Variants in ARAP1 observed in about 807,000 individuals in gnomAD.
The protein encoded by ARAP1 is ArfGAP with RhoGAP domain, ankyrin repeat and PH domain 1.
ARAP1 carries 76 observed loss-of-function variants against 172.2 expected under a neutral mutation model. That is an observed-to-expected ratio of 0.44 (90% confidence interval 0.37 to 0.53). The LOEUF (loss-of-function observed/expected upper bound fraction) is 0.53. ARAP1 is among the 20% of genes least tolerant of loss of function. The pLI, the probability that ARAP1 is intolerant of heterozygous loss-of-function variation, is 0.00. For synonymous variants in ARAP1, 804 were observed against 803.3 expected (o/e 1.00, Z -0.01); for missense variants, 1,686 against 1,977.5 (o/e 0.85, Z 2.80).
chr11:72,695,149 C>A lies in ARAP1; in HGVS notation c.3577-52G>T. ...CTGCCTGTGCCTAGCCCCTGCTCTG[C>A]CACAACCTTGCTATGTGACTCAGAG... On this transcript the variant is annotated intron_variant, in intron 26 of 34. Transcript: ENST00000393609. The surrounding 1 kb of genome is among the most constrained non-coding windows in gnomAD (Gnocchi z 4.4). 1 of 1,573,564 alleles carries A rather than the reference C, an allele frequency of 6.4e-7. No individual in the cohort carries two copies. Among genetic ancestry groups the A allele is most frequent in the Non-Finnish European group, 8.7e-7 (1 of 1,147,230 alleles).
At chr11:72,686,212 GGCTGGGCT>G in intron 33 of ARAP1, 21 bp from the exon 34 acceptor site, 3 of 1,603,482 alleles carry the variant, frequency 1.9e-6, no homozygotes, top group East Asian at 2.2e-5. Flanking sequence ...GAGAGGAAGG[GGCTGGGCT>G]CAGCTTCAGT....
intron 21 of ARAP1, 36 bp from the exon 22 acceptor site, chr11:72,697,231 G>T: frequency 6.3e-7 from 1 of 1,593,044 alleles, no homozygotes; most frequent in Non-Finnish European, 8.5e-7. Context: ...CGGGGCCTGA[G>T]GCATAGAGTC....
rs575742517 is a variant in ARAP1 at position 72,751,413 on chromosome 11, C to T, written c.-128+915G>A. Among the ~76,000 whole-genome samples, 3 of 152,254 alleles carry T rather than the reference C, an allele frequency of 2.0e-5. No individual in the cohort carries two copies. The South Asian group carries it at 6.2e-4, about 32-fold the overall frequency. On this transcript the variant is annotated intron_variant, in intron 1 of 34. Coordinates refer to ENST00000393609, the MANE Select transcript of ARAP1 (RefSeq NM_001040118.3). ...GTCATCCCCTCCCCTGGGGCCTGCACCTGTCCACACCTGTCTTCAAGGCTC... is the reference window on the plus strand; with the variant it reads ...GTCATCCCCTCCCCTGGGGCCTGCATCTGTCCACACCTGTCTTCAAGGCTC...
intron 5 of ARAP1, 144 bp from the exon 6 acceptor site, chr11:72,712,712 C>T (rs530613380): frequency 3.6e-6 from 5 of 1,374,098 alleles, no homozygotes; most frequent in Non-Finnish European, 5.1e-6. Flanking sequence ...CTCCCCTCCC[C>T]CTGCCAGCGG....
At chr11:72,739,803 C>G (rs570926022) in intron 1 of ARAP1, among the ~76,000 whole-genome samples, 1 of 152,272 alleles carries the variant, frequency 6.6e-6, no homozygotes, top group South Asian at 2.1e-4. Context: ...AGGCTTGTAG[C>G]CAGGCTCTGG....
intron 1 of ARAP1, among the ~76,000 whole-genome samples, chr11:72,749,716 T>C (rs1858478671): frequency 6.6e-6 from 1 of 152,008 alleles, no homozygotes; most frequent in Non-Finnish European, 1.5e-5. Context: ...ACCCCGTCTC[T>C]ACTAAAAATA....
chr11:72,693,235 A>C lies in ARAP1; in HGVS notation c.3954+90T>G. On this transcript the variant is annotated intron_variant, in intron 29 of 34. Transcript: ENST00000393609. This position sits in a 1 kb window ranked among gnomAD's most constrained non-coding sequence, Gnocchi z 4.6. ...GCCATCCTGAGAGCCTGTAACGGGAATATTTCCACTTGCAGACCAAGGGGA... is the reference window on the plus strand; with the variant it reads ...GCCATCCTGAGAGCCTGTAACGGGACTATTTCCACTTGCAGACCAAGGGGA... 3 of 1,526,428 alleles carry C rather than the reference A, an allele frequency of 2.0e-6. No individual in the cohort carries two copies. The highest frequency in any genetic ancestry group is 2.7e-6 in the Non-Finnish European group (3 of 1,124,850). 94.6% of individuals were successfully genotyped at this position (1,526,428 alleles called of 1,614,324 possible). A position where few individuals can be genotyped will look rare whatever the true frequency, so the allele number is the denominator to read the frequency against.
chr11:72,725,472 CGAGT>C lies in ARAP1; in HGVS notation c.509+1144_509+1147del, dbSNP rs1677622733. Among the ~76,000 whole-genome samples, 1 of 152,064 alleles carries C rather than the reference CGAGT, an allele frequency of 6.6e-6. No individual in the cohort carries two copies. The highest frequency in any genetic ancestry group is 6.5e-5 in the Admixed American group (1 of 15,278). ...TCCTGGAGAGACCCTATACCTGTTACGAGTTGTGTGAACCCAGGAAGAGCATGTA... is the reference window on the plus strand; with the variant it reads ...TCCTGGAGAGACCCTATACCTGTTACTGTGTGAACCCAGGAAGAGCATGTA... On this transcript the variant is annotated intron_variant, in intron 3 of 34. Coordinates refer to ENST00000393609, the MANE Select transcript of ARAP1 (RefSeq NM_001040118.3). The surrounding 1 kb of genome is among the most constrained non-coding windows in gnomAD (Gnocchi z 4.3).
At chr11:72,689,733 T>C (rs1307434106) in intron 30 of ARAP1, among the ~76,000 whole-genome samples, 1 of 152,160 alleles carries the variant, frequency 6.6e-6, no homozygotes, top group Non-Finnish European at 1.5e-5. Flanking sequence ...GCCTCATGTC[T>C]TCTACAGACA....
Position 72,711,029 on chromosome 11 carries a change from T to C in ARAP1, c.1205A>G (p.Glu402Gly). ...CACCCCACACTCCCCACCATCACTCTCTGCCCGGAAGGCAAAGGTTCGGTT... is the reference window on the plus strand; with the variant it reads ...CACCCCACACTCCCCACCATCACTCCCTGCCCGGAAGGCAAAGGTTCGGTT... ...TNNRTFAFRA[E>G]SDVERKEWMQ... is the part of the protein sequence containing the mutation. Residue 402 changes from glutamate (E) to glycine (G), a missense_variant, in exon 9 of 35, where the codon GAG becomes GGG. By Grantham distance (98) the Glu-to-Gly change is moderately conservative (BLOSUM62 -2). Around this residue, in one of 5 missense-constraint regions of ARAP1, gnomAD observed 688 missense variants for 856.9 expected, o/e 0.80. Coordinates refer to ENST00000393609, the MANE Select transcript of ARAP1 (RefSeq NM_001040118.3). 6.2e-7 allele frequency: 1 copy of C among 1,614,212 alleles called. No homozygotes were observed. Among genetic ancestry groups the C allele is most frequent in the Non-Finnish European group, 8.5e-7 (1 of 1,180,034 alleles).
At chr11:72,722,328 A>C (rs1378484065) in intron 3 of ARAP1, 7 of 985,396 alleles carry the variant, frequency 7.1e-6, no homozygotes, top group Non-Finnish European at 8.4e-6. Flanking sequence ...CAACACACAC[A>C]CTTCCTGAAA....
rs1253021445 is a variant in ARAP1, at chr11:72,686,114, T to A, written c.4263A>T (p.Ser1421=). The change falls in exon 34 of 35, where the codon TCA becomes TCT. Residue 1421 remains serine, a synonymous_variant. Transcript: ENST00000393609. The part of the protein sequence containing the change: ...AVPEVRLGSV[S]LIPLRGSENE... ...TTTCACTACCTCGAAGGGGGATCAGTGACACACTACCCAGCCGGACCTCAG... is the reference window on the plus strand; with the variant it reads ...TTTCACTACCTCGAAGGGGGATCAGAGACACACTACCCAGCCGGACCTCAG... 1 of 1,613,958 alleles carries A rather than the reference T, an allele frequency of 6.2e-7. No individual in the cohort carries two copies. The highest frequency in any genetic ancestry group is 1.3e-5 in the African/African-American group (1 of 75,012).
rs540883016 is a variant in ARAP1 at position 72,712,576 on chromosome 11, C to T, written c.748-8G>A. On this transcript the variant is annotated splice_polypyrimidine_tract_variant and splice_region_variant and intron_variant, in intron 5 of 34. Transcript: ENST00000393609. ...GCTCGGTGGGGGCTCCTCCTGCCCC[C>T]GAGACCCACTCAGCGTCATCCTTCC... 521 of 1,611,734 alleles carry T rather than the reference C, an allele frequency of 3.2e-4. 1 individual carries two copies. The highest frequency in any genetic ancestry group is 3.0e-4 in the Non-Finnish European group (350 of 1,179,988).
chr11:72,710,676 TC>T lies in ARAP1; in HGVS notation c.1214-90del. 7.5e-7 allele frequency: 1 copy of T among 1,338,998 alleles called. No individual in the cohort carries two copies. Among genetic ancestry groups the T allele is most frequent in the Non-Finnish European group, 1.0e-6 (1 of 999,910 alleles). 82.9% of individuals were successfully genotyped at this position (1,338,998 alleles called of 1,614,324 possible). On this transcript the variant is annotated intron_variant, in intron 9 of 34. Transcript: ENST00000393609. This position sits in a 1 kb window ranked among gnomAD's most constrained non-coding sequence, Gnocchi z 4.3. ...CCTAGGCTCCTCATGCAACACCTCC[TC>T]CAGAAAGCCCACTCAGATGCCCCCA...
In ARAP1 at chr11:72,727,023, T is replaced by A. The variant is rs1439140914; in HGVS notation, c.106A>T (p.Thr36Ser). The change falls in exon 3 of 35, where the codon ACT (threonine) becomes TCT (serine). Residue 36 changes from threonine (T) to serine (S), a missense_variant. Physicochemically the swap from Thr to Ser is moderately conservative, Grantham distance 58. Transcript: ENST00000393609. Reference sequence around the variant, plus strand: ...GTGTCGCTGAGGCCTTGGCACTCAGTGGCCCACACCAGGCCATGCTGCTCA... The same window carrying A: ...GTGTCGCTGAGGCCTTGGCACTCAGAGGCCCACACCAGGCCATGCTGCTCA... ...LFEQHGLVWA[T>S]ECQGLSDTRL... The A allele has an allele frequency of 6.2e-7, 1 of 1,609,810 alleles. No individual in the cohort carries two copies.
chr11:72,721,962 G>A (rs1857531361), intron 3 of ARAP1: 10 of 986,282 alleles, frequency 1.0e-5, no homozygotes, highest in Non-Finnish European at 1.2e-5. Flanking sequence ...GTCCCGCCTG[G>A]GCTGGTCTCG....
intron 27 of ARAP1, among the ~76,000 whole-genome samples, chr11:72,694,104 C>T (rs973540229): frequency 4.0e-5 from 6 of 151,608 alleles, no homozygotes; most frequent in African/African-American, 1.2e-4. Flanking sequence ...CACCACCACC[C>T]GCCAGGCTGC....
intron 23 of ARAP1, 40 bp downstream of exon 23, chr11:72,696,509 T>A: frequency 6.9e-7 from 1 of 1,449,404 alleles, no homozygotes; most frequent in Non-Finnish European, 9.2e-7. Flanking sequence ...AGAACCTTCA[T>A]CCCATCCCCC....
chr11:72,715,863 T>G (rs1484383924), intron 3 of ARAP1, among the ~76,000 whole-genome samples: 1 of 152,168 alleles, frequency 6.6e-6, no homozygotes, highest in Non-Finnish European at 1.5e-5. Flanking sequence ...TCCTTTATGC[T>G]GCTCTCCATT....
Sources: allele counts gnomAD v4.1 joint callset (sites outside exome capture counted in the v4.1 genomes callset), GRCh38; gene constraint gnomAD v4.1.1; regional missense constraint gnomAD v4.1.1; non-coding constraint Gnocchi (gnomAD v3.1); transcripts MANE v1.5; gene names NCBI Gene and HGNC (gene_info 2026-07-23, HGNC 2026-07-21).